Variants in DNAJC17 observed in about 807,000 individuals in gnomAD.
The protein encoded by DNAJC17 is DnaJ heat shock protein family (Hsp40) member C17.
In DNAJC17, 35 loss-of-function variants were observed where a neutral mutation model predicts 48.1. That is an observed-to-expected ratio of 0.73 (90% confidence interval 0.56 to 0.96). DNAJC17 has a LOEUF of 0.96. Among genes scored for constraint, DNAJC17 ranks in the 50% least tolerant of loss-of-function variants. DNAJC17 has a pLI of 0.00. For missense variants in DNAJC17, 355 were observed against 377.1 expected, an observed-to-expected ratio of 0.94 and a Z score of 0.48; for synonymous variants, 117 against 142.7, an observed-to-expected ratio of 0.82 and a Z score of 1.28.
rs1029033588 is a variant in DNAJC17, at chr15:40,767,749, T to C, written c.*191A>G. 3.3e-5 allele frequency: 25 copies of C among 764,114 alleles called. No individual in the cohort carries two copies. Among genetic ancestry groups the C allele is most frequent in the East Asian group, 5.8e-5 (2 of 34,760 alleles). The allele number at this position is 764,114 out of a possible 1,614,324, so 47.3% of individuals were successfully genotyped here. A position where few individuals can be genotyped will look rare whatever the true frequency, so the allele number is the denominator to read the frequency against. The stretch of plus-strand genomic sequence containing the variant: ...TGCTTGTGCACGGACTCTGGGACTC[T>C]CACCCTGCGGAGCGTTTCCCTGGGG... On this transcript the variant is annotated 3_prime_UTR_variant, in exon 11 of 11. Transcript: ENST00000220496.
intron 1 of DNAJC17, among the ~76,000 whole-genome samples, chr15:40,784,934 C>A (rs1178465010): frequency 1.3e-5 from 2 of 152,038 alleles, no homozygotes; most frequent in African/African-American, 2.4e-5. Flanking sequence ...CCCGTCGCTA[C>A]TAAAAATACA....
chr15:40,772,959 C>CTT (rs754542485), intron 10 of DNAJC17, among the ~76,000 whole-genome samples: 5,289 of 133,532 alleles, frequency 0.04, 235 homozygotes, highest in African/African-American at 0.1. Context: ...AGAGTTCCTT[C>CTT]TTTTTTTTTT....
Position 40,770,822 on chromosome 15 carries a change from C to T in DNAJC17, c.793-2760G>A, listed in dbSNP as rs1249520848. 1.3e-6 allele frequency: 2 copies of T among 1,551,102 alleles called. No homozygotes were observed. The highest frequency in any genetic ancestry group is 2.7e-5 in the African/African-American group (2 of 73,186). On this transcript the variant is annotated intron_variant, in intron 10 of 10. Transcript: ENST00000220496. The surrounding 1 kb of genome is among the most constrained non-coding windows in gnomAD (Gnocchi z 5.0). ...CCTACACAGCAGCCTACTCTGCCAC[C>T]CTGCCATCGGCGCTCTCTCTGTCGA...
rs377051762 is a variant in DNAJC17 at position 40,779,298 on chromosome 15, T to C, written c.220A>G (p.Lys74Glu). ...TDAAARAAYD[K>E]VRKAKKQAAE... ...GCTTGCTTCTTGGCTTTCCTGACCT[T>C]GTCATATGCAGCCTGGCAGGAGAAA... Residue 74 changes from lysine (K) to glutamate (E), a missense_variant, in exon 4 of 11, where the codon AAG becomes GAG. Coordinates refer to ENST00000220496, the MANE Select transcript of DNAJC17 (RefSeq NM_018163.3). The C allele has an allele frequency of 1.2e-5, 19 of 1,614,032 alleles. No individual in the cohort carries two copies. The East Asian group carries it at 2.7e-4, about 23-fold the overall frequency.
rs776648870 is a variant in DNAJC17, at chr15:40,767,694, G to C, written c.*246C>G. On this transcript the variant is annotated 3_prime_UTR_variant, in exon 11 of 11. Coordinates refer to ENST00000220496, the MANE Select transcript of DNAJC17 (RefSeq NM_018163.3). ...TGCATAGCTAGCCCAAGCCAATAAA[G>C]GGCTGTGATGAGTGGCTGCGCCTGT... The C allele has an allele frequency of 1.6e-6, 1 of 621,652 alleles. No individual in the cohort carries two copies. Among genetic ancestry groups the C allele is most frequent in the South Asian group, 2.2e-5 (1 of 45,408 alleles). The allele number at this position is 621,652 out of a possible 1,614,324, so 38.5% of individuals were successfully genotyped here.
chr15:40,782,949 G>A (rs57272245), intron 1 of DNAJC17, among the ~76,000 whole-genome samples: 13,800 of 151,950 alleles, frequency 0.091, 1,702 homozygotes, highest in African/African-American at 0.28. Flanking sequence ...CTTCCCAATC[G>A]CCCACCGAAG....
rs1194216659 is a variant in DNAJC17 at position 40,805,613 on chromosome 15, T to C, written c.78+1756A>G. On this transcript the variant is annotated intron_variant, in intron 1 of 10. Transcript: ENST00000220496. ...ATCCCAGCACTTTGGGAGGCTGAGG[T>C]GGGCAGATCACGAGGTCAGGAGATC... is the stretch of plus-strand genomic sequence containing the variant. 6.7e-5 allele frequency among the ~76,000 whole-genome samples: 10 copies of C among 149,300 alleles called. No individual in the cohort carries two copies. In the South Asian group the frequency reaches 1.7e-3, roughly 25 times the overall value.
In DNAJC17 at chr15:40,766,972, CCT is replaced by C. The variant is rs986108195; in HGVS notation, c.*966_*967del. 20 of 316,110 alleles carry C rather than the reference CCT, an allele frequency of 6.3e-5. No homozygotes were observed. The highest frequency in any genetic ancestry group is 2.0e-4 in the Admixed American group (4 of 19,802). 19.6% of individuals were successfully genotyped at this position (316,110 alleles called of 1,614,324 possible). On this transcript the variant is annotated 3_prime_UTR_variant, in exon 11 of 11. Transcript: ENST00000220496. Reference sequence around the variant, plus strand: ...GGGACGCTGGGGAACCTGATTAACCCCTCTGTTTTCTCATCTATCAATGGCCA... The same window carrying C: ...GGGACGCTGGGGAACCTGATTAACCCCTGTTTTCTCATCTATCAATGGCCA...
chr15:40,779,450 C>G (rs1443579050), intron 3 of DNAJC17, 95 bp downstream of exon 3: 8 of 1,578,074 alleles, frequency 5.1e-6, no homozygotes, highest in Non-Finnish European at 7.0e-6. Context: ...ACAGCAAGGA[C>G]TGTGCCACAT....
At position 40,773,087 on chromosome 15, in the gene DNAJC17, AG is replaced by A. The variant is rs1375111629; in HGVS notation, c.792+639del. Among the ~76,000 whole-genome samples, 7 of 151,362 alleles carry A rather than the reference AG, an allele frequency of 4.6e-5. No individual in the cohort carries two copies. In the South Asian group the frequency reaches 1.3e-3, roughly 27 times the overall value. On this transcript the variant is annotated intron_variant, in intron 10 of 10. Coordinates refer to ENST00000220496, the MANE Select transcript of DNAJC17 (RefSeq NM_018163.3). ...GCGATTCTCCTGCCTCAGCCTCCTG[AG>A]TAGCTGGGATTACAGGTGCGCACCA...
intron 1 of DNAJC17, among the ~76,000 whole-genome samples, chr15:40,799,224 CAAAAAAAAAAAA>C (rs34609538): frequency 6.8e-5 from 3 of 44,368 alleles, no homozygotes; most frequent in African/African-American, 2.4e-4. Context: ...GACTCCATCT[CAAAAAAAAAAAA>C]AAAAAAAAAA....
At chr15:40,802,560 G>A (rs1043400748) in intron 1 of DNAJC17, among the ~76,000 whole-genome samples, 4 of 152,186 alleles carry the variant, frequency 2.6e-5, no homozygotes, top group African/African-American at 9.7e-5. Context: ...GAGATTCAGA[G>A]AAGTAGTCTG....
At chr15:40,774,743 C>T (rs890737882) in intron 8 of DNAJC17, among the ~76,000 whole-genome samples, 2 of 152,222 alleles carry the variant, frequency 1.3e-5, no homozygotes, top group African/African-American at 2.4e-5. Flanking sequence ...GTGCCAGATA[C>T]GCACCTCGTC....
At chr15:40,774,824 G>A (rs1486219441) in intron 8 of DNAJC17, 5 of 620,752 alleles carry the variant, frequency 8.1e-6, no homozygotes, top group East Asian at 2.7e-5. Context: ...AAAGGACAGC[G>A]GGCTGGAAGG....
At chr15:40,785,176 G>A (rs769716647) in intron 1 of DNAJC17, among the ~76,000 whole-genome samples, 4 of 152,106 alleles carry the variant, frequency 2.6e-5, no homozygotes, top group Non-Finnish European at 5.9e-5. Flanking sequence ...TCCAGTCTCA[G>A]TATCGTTTAT....
intron 4 of DNAJC17, among the ~76,000 whole-genome samples, chr15:40,778,378 G>T (rs1037519870): frequency 6.6e-6 from 1 of 151,970 alleles, no homozygotes. Flanking sequence ...TCAACTTCTC[G>T]AGTAGTTGGG....
chr15:40,782,354 G>C (rs1048618316), intron 1 of DNAJC17, among the ~76,000 whole-genome samples: 1 of 152,216 alleles, frequency 6.6e-6, no homozygotes, highest in African/African-American at 2.4e-5. Flanking sequence ...CAAGGATTTT[G>C]AGGCTGCCGT....
intron 1 of DNAJC17, chr15:40,792,368 T>C: frequency 1.3e-6 from 1 of 782,278 alleles, no homozygotes; most frequent in Non-Finnish European, 1.6e-6. Flanking sequence ...TCCCTGGTAG[T>C]TTTCCTGATA....
intron 1 of DNAJC17, among the ~76,000 whole-genome samples, chr15:40,803,761 C>G (rs971175718): frequency 3.3e-5 from 5 of 152,018 alleles, no homozygotes; most frequent in Non-Finnish European, 7.4e-5. Context: ...CTTGCCCCCC[C>G]ATTAAAGGCA....
Sources: allele counts gnomAD v4.1 joint callset (sites outside exome capture counted in the v4.1 genomes callset), GRCh38; gene constraint gnomAD v4.1.1; non-coding constraint Gnocchi (gnomAD v3.1); transcripts MANE v1.5; gene names NCBI Gene and HGNC (gene_info 2026-07-23, HGNC 2026-07-21).